Variants in C1orf167 observed in about 807,000 individuals in gnomAD.
C1orf167 encodes the protein uncharacterized protein C1orf167.
C1orf167 carries 153 observed loss-of-function variants against 176.5 expected under a neutral mutation model. The observed-to-expected ratio is 0.87, with a 90% CI of 0.76 to 0.99. C1orf167 has a LOEUF of 0.99. Among genes scored for constraint, C1orf167 ranks in the 50% least tolerant of loss-of-function variants. The pLI, the probability that C1orf167 is intolerant of heterozygous loss-of-function variation, is 0.00. For synonymous variants in C1orf167, 594 were observed against 752.7 expected (o/e 0.79, Z 3.45); for missense variants, 1,490 against 1,817.7 (o/e 0.82, Z 3.28).
intron 6 of C1orf167, among the ~76,000 whole-genome samples, chr1:11,771,022 T>A: frequency 1.6e-5 from 1 of 63,454 alleles, no homozygotes; most frequent in Non-Finnish European, 3.6e-5. Flanking sequence ...TCTGGCAGCG[T>A]GTGTGTGTAT....
At position 11,762,234 on chromosome 1, in the gene C1orf167, G is replaced by GT. The variant is rs1642539671; in HGVS notation, c.-140dup. ...CGCGACCTGCCGACCTGCGGGGATC[G>GT]TTAGCGGTCCCAGCCCCCGTCTAGA... On this transcript the variant is annotated 5_prime_UTR_variant, in exon 1 of 21. Transcript: ENST00000688073. 2.3e-6 allele frequency: 1 copy of GT among 444,020 alleles called. No homozygotes were observed. Among genetic ancestry groups the GT allele is most frequent in the African/African-American group, 2.0e-5 (1 of 49,672 alleles). 27.5% of individuals were successfully genotyped at this position (444,020 alleles called of 1,614,324 possible).
At chr1:11,773,662 C>T (rs993401409) in intron 8 of C1orf167, among the ~76,000 whole-genome samples, 2 of 152,038 alleles carry the variant, frequency 1.3e-5, no homozygotes, top group African/African-American at 4.8e-5. Flanking sequence ...GAGCCGAGAT[C>T]GTGCCACTGC....
At chr1:11,770,401 A>G (rs1642994677) in intron 6 of C1orf167, among the ~76,000 whole-genome samples, 1 of 152,068 alleles carries the variant, frequency 6.6e-6, no homozygotes, top group Admixed American at 6.6e-5. Context: ...CTAAAATGGA[A>G]ACTATGCTTA....
chr1:11,771,713 C>G (rs1004646746), intron 7 of C1orf167, 77 bp downstream of exon 7: 2 of 943,480 alleles, frequency 2.1e-6, no homozygotes, highest in Non-Finnish European at 1.5e-6. Context: ...TGGGCAGGGG[C>G]GGGGGACCCT....
At position 11,789,332 on chromosome 1, in the gene C1orf167, C is replaced by A; in HGVS notation, c.4236C>A (p.Ser1412Arg). 7.7e-7 allele frequency: 1 copy of A among 1,304,082 alleles called. No individual in the cohort carries two copies. Among genetic ancestry groups the A allele is most frequent in the Middle Eastern group, 2.2e-4 (1 of 4,636 alleles). 80.8% of individuals were successfully genotyped at this position (1,304,082 alleles called of 1,614,324 possible). A position where few individuals can be genotyped will look rare whatever the true frequency, so the allele number is the denominator to read the frequency against. ...ARSPRRGAASSPRPWSKPGPK... is the reference protein window; with the variant it reads ...ARSPRRGAASRPRPWSKPGPK... ...GCCCAAGGAGAGGAGCTGCCAGTAG[C>A]CCAAGACCCTGGAGCAAGCCAGGCC... The change falls in exon 21 of 21, where the codon AGC becomes AGA. Residue 1412 changes from serine (S) to arginine (R), a missense_variant. Coordinates refer to ENST00000688073, the MANE Select transcript of C1orf167 (RefSeq NM_001010881.2).
intron 17 of C1orf167, 137 bp from the exon 18 acceptor site, chr1:11,787,736 A>G (rs1570449422): frequency 8.9e-7 from 1 of 1,129,072 alleles, no homozygotes. Context: ...AGGCCTGGGG[A>G]GATGGGGGCA....
At position 11,771,049 on chromosome 1, in the gene C1orf167, G is replaced by GTGTGTGTGTA. The variant is rs1491322371; in HGVS notation, c.1698-474_1698-473insGTGTGTGTAT. 2.5e-3 allele frequency among the ~76,000 whole-genome samples: 87 copies of GTGTGTGTGTA among 34,904 alleles called. 1 individual carries two copies. Among genetic ancestry groups the GTGTGTGTGTA allele is most frequent in the Middle Eastern group, 0.031 (1 of 32 alleles). The allele number at this position is 34,904 out of a possible 152,430, so 22.9% of individuals were successfully genotyped here. A position where few individuals can be genotyped will look rare whatever the true frequency, so the allele number is the denominator to read the frequency against. On this transcript the variant is annotated intron_variant, in intron 6 of 20. Transcript: ENST00000688073. ...TGTGTGTATGTGTGTGTGTGTGTGT[G>GTGTGTGTGTA]TATATATATATATATATATATTTTT...
intron 6 of C1orf167, 31 bp downstream of exon 6, chr1:11,769,158 C>G: frequency 1.0e-6 from 1 of 985,750 alleles, no homozygotes; most frequent in Non-Finnish European, 1.2e-6. Flanking sequence ...AAGCCGGTGG[C>G]CTTTCTTCCC....
chr1:11,785,015 G>A (rs1307332962), intron 15 of C1orf167, 133 bp from the exon 16 acceptor site: 15 of 780,670 alleles, frequency 1.9e-5, no homozygotes, highest in Non-Finnish European at 2.6e-5. Flanking sequence ...CCAGAAAAGG[G>A]AGTGTGGGAG....
rs1303447798 is a variant in C1orf167 at position 11,774,326 on chromosome 1, TG to T, written c.1989-1108del. ...CTTCCCTGAGTGCTGGGATTACAGG[TG>T]TGAGCCACCACGCCCGGCCTGTTAA... On this transcript the variant is annotated intron_variant, in intron 8 of 20. Transcript: ENST00000688073. 2.0e-5 allele frequency among the ~76,000 whole-genome samples: 3 copies of T among 152,130 alleles called. No homozygotes were observed. The East Asian group carries it at 5.8e-4, about 29-fold the overall frequency.
At position 11,778,705 on chromosome 1, in the gene C1orf167, G is replaced by A. The variant is rs72640211; in HGVS notation, c.2385G>A (p.Leu795=). The A allele has an allele frequency of 0.052, 68,342 of 1,303,854 alleles. 1,954 individuals are homozygous for A. Among genetic ancestry groups the A allele is most frequent in the Non-Finnish European group, 0.056 (55,321 of 988,638 alleles). The allele number at this position is 1,303,854 out of a possible 1,614,324, so 80.8% of individuals were successfully genotyped here. Residue 795 remains leucine (L), a synonymous_variant, in exon 11 of 21, where the codon CTG becomes CTA. Transcript: ENST00000688073. ...GLQQRMLQRS[L]RWWHLRALGP... is the part of the protein sequence containing the mutation. Reference sequence around the variant, plus strand: ...AGCAGCGGATGCTGCAGCGCAGCCTGAGATGGTGGCACTTGAGGGCACTGG... The same window carrying A: ...AGCAGCGGATGCTGCAGCGCAGCCTAAGATGGTGGCACTTGAGGGCACTGG...
At position 11,766,094 on chromosome 1, in the gene C1orf167, ACCTGCAGT is replaced by A; in HGVS notation, c.311_318del (p.Leu104ProfsTer72). ...AATTCAAGCTTCTGGCAACAGAGCA[ACCTGCAGT>A]CCCTGGCCAGGAGGCGCCAAGGGAA... On this transcript the variant is annotated frameshift_variant, in exon 3 of 21. Coordinates refer to ENST00000688073, the MANE Select transcript of C1orf167 (RefSeq NM_001010881.2). LOFTEE classifies it high-confidence loss of function. This position sits in a 1 kb window ranked among gnomAD's most constrained non-coding sequence, Gnocchi z 4.5. The A allele has an allele frequency of 7.8e-7, 1 of 1,289,870 alleles. No individual in the cohort carries two copies. Among genetic ancestry groups the A allele is most frequent in the Non-Finnish European group, 1.0e-6 (1 of 988,870 alleles). 79.9% of individuals were successfully genotyped at this position (1,289,870 alleles called of 1,614,324 possible). A position where few individuals can be genotyped will look rare whatever the true frequency, so the allele number is the denominator to read the frequency against.
chr1:11,771,451 G>A (rs1460319692), intron 6 of C1orf167, 73 bp from the exon 7 acceptor site: 17 of 936,754 alleles, frequency 1.8e-5, no homozygotes, highest in Non-Finnish European at 2.4e-5. Context: ...TGCCTGGGGT[G>A]GGGCGGACAG....
intron 10 of C1orf167, 77 bp from the exon 11 acceptor site, chr1:11,778,583 T>A: frequency 8.5e-7 from 1 of 1,176,808 alleles, no homozygotes; most frequent in Admixed American, 2.9e-5. Flanking sequence ...GCGGCCAGGG[T>A]AGGGTAGCCC....
intron 14 of C1orf167, among the ~76,000 whole-genome samples, chr1:11,783,541 C>T (rs932205277): frequency 6.6e-6 from 1 of 152,146 alleles, no homozygotes; most frequent in African/African-American, 2.4e-5. Context: ...GCCACTGTGC[C>T]TGGCCGTAGA....
chr1:11,773,549 A>C (rs566071792), intron 8 of C1orf167, among the ~76,000 whole-genome samples: 36 of 152,070 alleles, frequency 2.4e-4, no homozygotes, highest in Admixed American at 1.0e-3. Flanking sequence ...CTCTACTAAA[A>C]ATACAAAAAT....
intron 6 of C1orf167, among the ~76,000 whole-genome samples, chr1:11,769,370 C>T (rs1642944384): frequency 6.6e-6 from 1 of 152,118 alleles, no homozygotes; most frequent in African/African-American, 2.4e-5. Context: ...AGTTAGACAC[C>T]AACCTGGGCA....
At chr1:11,786,417 G>C (rs1166908027) in intron 16 of C1orf167, 3 of 152,108 alleles carry the variant, frequency 2.0e-5, no homozygotes, top group South Asian at 2.1e-4. Context: ...AAGAGAAAAA[G>C]CTAAGGTGAT....
In C1orf167 at chr1:11,788,196, C is replaced by G; in HGVS notation, c.3896C>G (p.Ser1299Cys). The G allele has an allele frequency of 7.7e-7, 1 of 1,299,088 alleles. No homozygotes were observed. The highest frequency in any genetic ancestry group is 1.5e-5 in the African/African-American group (1 of 65,912). The allele number at this position is 1,299,088 out of a possible 1,614,324, so 80.5% of individuals were successfully genotyped here. A position where few individuals can be genotyped will look rare whatever the true frequency, so the allele number is the denominator to read the frequency against. The change falls in exon 19 of 21, where the codon TCT (serine) becomes TGT (cysteine). Residue 1299 changes from serine to cysteine, a missense_variant. Ser to Cys is a moderately radical substitution (Grantham distance 112, BLOSUM62 -1). Coordinates refer to ENST00000688073, the MANE Select transcript of C1orf167 (RefSeq NM_001010881.2). ...ILEKQAQAHG[S>C]ALLLALKGHD... ...GAAAAGCAGGCCCAGGCCCATGGCT[C>G]TGCCCTCCTTCTGGCCCTGAAGGGT...
Sources: allele counts gnomAD v4.1 joint callset (sites outside exome capture counted in the v4.1 genomes callset), GRCh38; gene constraint gnomAD v4.1.1; non-coding constraint Gnocchi (gnomAD v3.1); transcripts MANE v1.5; gene names NCBI Gene and HGNC (gene_info 2026-07-23, HGNC 2026-07-21).